The following NUDT3 variants were observed in gnomAD, a reference collection of about 807,000 sequenced individuals.
NUDT3 encodes the protein nudix hydrolase 3, also known as diphosphoinositol polyphosphate phosphohydrolase 1.
Under a neutral mutation model 23.6 loss-of-function variants are expected in NUDT3, and 9 were observed. That is an observed-to-expected ratio of 0.38 (90% confidence interval 0.23 to 0.66). The LOEUF (loss-of-function observed/expected upper bound fraction) is 0.66. Ranked by LOEUF, NUDT3 falls within the 30% of genes least tolerant of loss-of-function variation. The pLI is 0.52. For missense variants in NUDT3, 172 were observed against 218.5 expected, an observed-to-expected ratio of 0.79 and a Z score of 1.34; for synonymous variants, 86 against 82.6, an observed-to-expected ratio of 1.04 and a Z score of -0.22.
chr6:34,304,598 A>G (rs1763649076), intron 2 of NUDT3, among the ~76,000 whole-genome samples: 1 of 151,830 alleles, frequency 6.6e-6, no homozygotes, highest in Non-Finnish European at 1.5e-5. Context: ...AAGGAAGGTG[A>G]TTACTACTTA....
chr6:34,347,763 G>C (rs1764399671), intron 1 of NUDT3, among the ~76,000 whole-genome samples: 1 of 152,014 alleles, frequency 6.6e-6, no homozygotes, highest in Admixed American at 6.6e-5. Context: ...TGAGTATCTA[G>C]TGAAAGACCA....
At chr6:34,366,759 T>G (rs1019712154) in intron 1 of NUDT3, among the ~76,000 whole-genome samples, 2 of 151,968 alleles carry the variant, frequency 1.3e-5, no homozygotes, top group Non-Finnish European at 2.9e-5. Context: ...TATCAGTTAG[T>G]GAAGATGAAA....
chr6:34,343,111 G>A (rs1025091008), intron 1 of NUDT3, among the ~76,000 whole-genome samples: 6 of 152,020 alleles, frequency 3.9e-5, no homozygotes, highest in Non-Finnish European at 8.8e-5. Context: ...TATAGGCCAT[G>A]GACTGAAAAC....
chr6:34,328,145 G>A (rs1042031559), intron 2 of NUDT3, among the ~76,000 whole-genome samples: 4 of 151,758 alleles, frequency 2.6e-5, no homozygotes, highest in African/African-American at 7.3e-5. Context: ...CTCTTGCCTC[G>A]GCACCTGGGT....
At chr6:34,382,447 T>C (rs1188249088) in intron 1 of NUDT3, among the ~76,000 whole-genome samples, 1 of 151,870 alleles carries the variant, frequency 6.6e-6, no homozygotes, top group Non-Finnish European at 1.5e-5. Context: ...CAATGTAACT[T>C]CTCTTTTTTT....
intron 2 of NUDT3, among the ~76,000 whole-genome samples, chr6:34,306,231 T>C (rs559432393): frequency 3.0e-4 from 45 of 152,350 alleles, no homozygotes; most frequent in African/African-American, 1.0e-3. Flanking sequence ...GTTTACTAGG[T>C]GTACATTAAG....
intron 1 of NUDT3, among the ~76,000 whole-genome samples, chr6:34,348,968 T>A (rs1198382533): frequency 1.3e-5 from 2 of 151,876 alleles, no homozygotes; most frequent in Admixed American, 1.3e-4. Flanking sequence ...CAAGTGATCC[T>A]CCTGTCTCAG....
chr6:34,288,669 G>A lies in NUDT3; in HGVS notation c.*84C>T, dbSNP rs751722046. Reference sequence around the variant, plus strand: ...CTTATTTGAAAGAGGAGGCCTGTGAGAAGTGGAAAGAGCCAGGGTGAGAGG... The same window carrying A: ...CTTATTTGAAAGAGGAGGCCTGTGAAAAGTGGAAAGAGCCAGGGTGAGAGG... On this transcript the variant is annotated 3_prime_UTR_variant, in exon 5 of 5. Transcript: ENST00000607016. The A allele has an allele frequency of 3.5e-5, 52 of 1,506,796 alleles. No homozygotes were observed. Among genetic ancestry groups the A allele is most frequent in the Non-Finnish European group, 4.4e-5 (50 of 1,126,588 alleles). The allele number at this position is 1,506,796 out of a possible 1,614,324, so 93.3% of individuals were successfully genotyped here. A position where few individuals can be genotyped will look rare whatever the true frequency, so the allele number is the denominator to read the frequency against.
chr6:34,322,386 C>T (rs757755264), intron 2 of NUDT3, among the ~76,000 whole-genome samples: 14 of 152,256 alleles, frequency 9.2e-5, no homozygotes, highest in Middle Eastern at 6.8e-3. Context: ...CCCGCCACCA[C>T]GCACAGCTAA....
chr6:34,362,469 C>T (rs1287206469), intron 1 of NUDT3, among the ~76,000 whole-genome samples: 1 of 152,144 alleles, frequency 6.6e-6, no homozygotes, highest in Non-Finnish European at 1.5e-5. Context: ...AGCTAGTGGG[C>T]TAGCTCATGG....
At chr6:34,366,495 G>GGGAA (rs1764735729) in intron 1 of NUDT3, among the ~76,000 whole-genome samples, 1 of 129,722 alleles carries the variant, frequency 7.7e-6, no homozygotes, top group Non-Finnish European at 1.7e-5. Flanking sequence ...GAGGGAGGGA[G>GGGAA]GGAGGGAGGG....
At chr6:34,358,612 A>C (rs1268980964) in intron 1 of NUDT3, among the ~76,000 whole-genome samples, 1 of 152,162 alleles carries the variant, frequency 6.6e-6, no homozygotes, top group African/African-American at 2.4e-5. Flanking sequence ...TAAAGTAAAA[A>C]AGAAATTTTT....
chr6:34,311,399 T>TA (rs1470823807), intron 2 of NUDT3, among the ~76,000 whole-genome samples: 5 of 151,978 alleles, frequency 3.3e-5, no homozygotes, highest in Admixed American at 2.0e-4. Flanking sequence ...AAGATCTATA[T>TA]AAAAAAACCA....
intron 2 of NUDT3, among the ~76,000 whole-genome samples, chr6:34,331,105 T>C (rs988354211): frequency 1.3e-5 from 2 of 152,206 alleles, no homozygotes; most frequent in South Asian, 2.1e-4. Context: ...TCCACCCACC[T>C]TGGGCTCCCA....
intron 2 of NUDT3, among the ~76,000 whole-genome samples, chr6:34,329,853 A>G (rs1764101457): frequency 6.6e-6 from 1 of 151,964 alleles, no homozygotes; most frequent in African/African-American, 2.4e-5. Context: ...CCTGTGTCCA[A>G]GTGTTCTCAT....
At chr6:34,363,432 C>T (rs2113753587) in intron 1 of NUDT3, among the ~76,000 whole-genome samples, 1 of 152,284 alleles carries the variant, frequency 6.6e-6, no homozygotes, top group South Asian at 2.1e-4. Context: ...ACTGCTCATC[C>T]ACCGCAGCAC....
At chr6:34,390,293 C>CA (rs755995171) in intron 1 of NUDT3, among the ~76,000 whole-genome samples, 106 of 134,672 alleles carry the variant, frequency 7.9e-4, no homozygotes, top group Middle Eastern at 3.6e-3. Flanking sequence ...GAGTCGGTCT[C>CA]AAAAAAAAAA....
chr6:34,334,808 C>A (rs895580558), intron 2 of NUDT3, among the ~76,000 whole-genome samples: 1 of 151,596 alleles, frequency 6.6e-6, no homozygotes, highest in Non-Finnish European at 1.5e-5. Flanking sequence ...TGGCATGCAC[C>A]GGTAGTCCCA....
In NUDT3 at chr6:34,291,727, T is replaced by C. The variant is rs1040457889; in HGVS notation, c.340+1724A>G. On this transcript the variant is annotated intron_variant, in intron 4 of 4. Transcript: ENST00000607016. ...CATGTTGGCCAGGCTGGTCTCGAAC[T>C]CCTGACCTCAAGTGATTCGCCTGCC... Among the ~76,000 whole-genome samples the C allele has an allele frequency of 2.6e-4, 40 of 152,102 alleles. 1 individual carries two copies.
Sources: allele counts gnomAD v4.1 joint callset (sites outside exome capture counted in the v4.1 genomes callset), GRCh38; gene constraint gnomAD v4.1.1; transcripts MANE v1.5; gene names NCBI Gene and HGNC (gene_info 2026-07-23, HGNC 2026-07-21).